Variants in SCGB3A2 observed in about 807,000 individuals in gnomAD.
SCGB3A2 encodes pneumo secretory protein 1.
SCGB3A2 carries 5 observed loss-of-function variants against 7.7 expected under a neutral mutation model. That is an observed-to-expected ratio of 0.65 (90% CI 0.34 to 1.36). The LOEUF is 1.36. SCGB3A2 is among the 40% of genes most tolerant of loss of function. The pLI is 0.04. For synonymous variants in SCGB3A2, 44 were observed against 42.7 expected, an observed-to-expected ratio of 1.03 and a Z score of -0.12; for missense variants, 109 against 103.6, an observed-to-expected ratio of 1.05 and a Z score of -0.23.
Position 147,881,656 on chromosome 5 carries a change from C to G in SCGB3A2, c.258+8C>G. On this transcript the variant is annotated splice_region_variant and intron_variant, in intron 2 of 2. Transcript: ENST00000296694. ...GCTGTGAAGAAACTGCTGGTAACCA[C>G]AGCTTGGGAGGCTAATCTGCCAAAG... The G allele has an allele frequency of 6.2e-7, 1 of 1,611,444 alleles. No individual in the cohort carries two copies. Among genetic ancestry groups the G allele is most frequent in the Non-Finnish European group, 8.5e-7 (1 of 1,178,482 alleles).
intron 1 of SCGB3A2, among the ~76,000 whole-genome samples, chr5:147,879,995 T>A (rs1172076572): frequency 6.6e-6 from 1 of 152,054 alleles, no homozygotes; most frequent in Non-Finnish European, 1.5e-5. Context: ...TACCGCCCCC[T>A]CTGGGTGAGA....
chr5:147,878,736 C>T lies in SCGB3A2; in HGVS notation c.-68C>T, dbSNP rs543232043. ...ACACTTTGTATGGCAAGTGGAACCA[C>T]TGGCTTGGTGGATTTTGCTAGATTT... is the stretch of plus-strand genomic sequence containing the variant. On this transcript the variant is annotated 5_prime_UTR_variant, in exon 1 of 3. Coordinates refer to ENST00000296694, the MANE Select transcript of SCGB3A2 (RefSeq NM_054023.5). 8.0e-7 allele frequency: 1 copy of T among 1,251,664 alleles called. No homozygotes were observed. Among genetic ancestry groups the T allele is most frequent in the Non-Finnish European group, 1.2e-6 (1 of 849,806 alleles). The allele number at this position is 1,251,664 out of a possible 1,614,324, so 77.5% of individuals were successfully genotyped here.
At chr5:147,880,513 T>G (rs1014339644) in intron 1 of SCGB3A2, among the ~76,000 whole-genome samples, 2 of 152,182 alleles carry the variant, frequency 1.3e-5, no homozygotes, top group African/African-American at 4.8e-5. Flanking sequence ...TGCACTTTTA[T>G]CCTAATGGTT....
In SCGB3A2 at chr5:147,878,743, G is replaced by C; in HGVS notation, c.-61G>C. On this transcript the variant is annotated 5_prime_UTR_variant, in exon 1 of 3. Coordinates refer to ENST00000296694, the MANE Select transcript of SCGB3A2 (RefSeq NM_054023.5). ...GTATGGCAAGTGGAACCACTGGCTT[G>C]GTGGATTTTGCTAGATTTTTCTGAT... 2.3e-6 allele frequency: 3 copies of C among 1,316,770 alleles called. No individual in the cohort carries two copies. Among genetic ancestry groups the C allele is most frequent in the South Asian group, 2.4e-5 (2 of 84,932 alleles). 81.6% of individuals were successfully genotyped at this position (1,316,770 alleles called of 1,614,324 possible). A position where few individuals can be genotyped will look rare whatever the true frequency, so the allele number is the denominator to read the frequency against.
intron 1 of SCGB3A2, among the ~76,000 whole-genome samples, chr5:147,879,154 G>T (rs1757307520): frequency 1.3e-5 from 2 of 152,126 alleles, no homozygotes; most frequent in South Asian, 2.1e-4. Context: ...AACTTCCACG[G>T]AGGGTCAACA....
chr5:147,882,025 A>G lies in SCGB3A2; in HGVS notation c.259-2A>G, dbSNP rs913735704. On this transcript the variant is annotated splice_acceptor_variant, in intron 2 of 2. Coordinates refer to ENST00000296694, the MANE Select transcript of SCGB3A2 (RefSeq NM_054023.5). LOFTEE classifies it high-confidence loss of function. ...AAATTTTGTTGTCCTTCTACATTTCAGGAGGCGCTATCACACTTGGTGTGA... is the reference window on the plus strand; with the variant it reads ...AAATTTTGTTGTCCTTCTACATTTCGGGAGGCGCTATCACACTTGGTGTGA... 6.2e-7 allele frequency: 1 copy of G among 1,613,782 alleles called. No individual in the cohort carries two copies. The highest frequency in any genetic ancestry group is 8.5e-7 in the Non-Finnish European group (1 of 1,179,780).
intron 1 of SCGB3A2, chr5:147,881,222 A>T: frequency 1.9e-6 from 1 of 536,836 alleles, no homozygotes; most frequent in Non-Finnish European, 3.3e-6. Context: ...GTAATATTTG[A>T]AGAGAGACCA....
intron 2 of SCGB3A2, 90 bp from the exon 3 acceptor site, chr5:147,881,937 G>A (rs1757355276): frequency 1.4e-6 from 2 of 1,401,430 alleles, no homozygotes; most frequent in East Asian, 2.3e-5. Context: ...GTAAAATAGT[G>A]GCCAAACAGG....
chr5:147,878,868 T>C lies in SCGB3A2; in HGVS notation c.55+10T>C, dbSNP rs1234857948. ...CTTTGTAGTTACTCTGGTAAGTAAC[T>C]GGAATACATCTGGAATATGTGACAT... On this transcript the variant is annotated intron_variant, in intron 1 of 2. Transcript: ENST00000296694. The C allele has an allele frequency of 6.3e-7, 1 of 1,589,408 alleles. No homozygotes were observed.
chr5:147,879,295 A>G (rs183556265), intron 1 of SCGB3A2, among the ~76,000 whole-genome samples: 1 of 152,266 alleles, frequency 6.6e-6, no homozygotes, highest in African/African-American at 2.4e-5. Flanking sequence ...TATCATCTCC[A>G]GTTATCCAAT....
At position 147,878,844 on chromosome 5, in the gene SCGB3A2, T is replaced by G; in HGVS notation, c.41T>G (p.Leu14Arg). The G allele has an allele frequency of 1.9e-6, 3 of 1,610,582 alleles. No individual in the cohort carries two copies. Among genetic ancestry groups the G allele is most frequent in the Non-Finnish European group, 1.7e-6 (2 of 1,176,820 alleles). ...VTIFLLVTIS[L>R]CSYSATAFLI... ...ATCTTCCTGCTGGTGACCATCAGCC[T>G]TTGTAGTTACTCTGGTAAGTAACTG... The change falls in exon 1 of 3, where the codon CTT (leucine) becomes CGT (arginine). Residue 14 changes from leucine (L) to arginine (R), a missense_variant. By Grantham distance (102) the Leu-to-Arg change is moderately radical. Coordinates refer to ENST00000296694, the MANE Select transcript of SCGB3A2 (RefSeq NM_054023.5).
Position 147,881,452 on chromosome 5 carries a change from C to G in SCGB3A2, c.62C>G (p.Ala21Gly). ...TISLCSYSAT[A>G]FLINKVPLPV... The stretch of plus-strand genomic sequence containing the variant: ...GTTTCTCTTTTTCCTGCAGCTACTG[C>G]CTTCCTCATCAACAAAGTGCCCCTT... The change falls in exon 2 of 3, where the codon GCC becomes GGC. Residue 21 changes from alanine (A) to glycine (G), a missense_variant. Coordinates refer to ENST00000296694, the MANE Select transcript of SCGB3A2 (RefSeq NM_054023.5). 6.2e-7 allele frequency: 1 copy of G among 1,613,794 alleles called. No individual in the cohort carries two copies. Among genetic ancestry groups the G allele is most frequent in the Non-Finnish European group, 8.5e-7 (1 of 1,179,766 alleles).
chr5:147,881,527 T>C lies in SCGB3A2; in HGVS notation c.137T>C (p.Met46Thr). ...CCTCTGGACAACATTCTTCCCTTTATGGATCCATTAAAGCTTCTTCTGAAA... is the reference window on the plus strand; with the variant it reads ...CCTCTGGACAACATTCTTCCCTTTACGGATCCATTAAAGCTTCTTCTGAAA... The part of the protein sequence containing the change: ...PLPLDNILPF[M>T]DPLKLLLKTL... Residue 46 changes from methionine to threonine, a missense_variant, in exon 2 of 3, where the codon ATG (methionine) becomes ACG (threonine). Transcript: ENST00000296694. The C allele has an allele frequency of 6.2e-7, 1 of 1,614,080 alleles. No homozygotes were observed. The highest frequency in any genetic ancestry group is 1.3e-5 in the African/African-American group (1 of 75,050).
intron 2 of SCGB3A2, 88 bp downstream of exon 2, chr5:147,881,736 G>T: frequency 9.8e-7 from 1 of 1,020,788 alleles, no homozygotes; most frequent in Non-Finnish European, 1.4e-6. Flanking sequence ...TTGTAAATGT[G>T]CATTTCCACT....
intron 1 of SCGB3A2, among the ~76,000 whole-genome samples, chr5:147,879,954 G>T (rs746219829): frequency 3.3e-5 from 5 of 152,180 alleles, no homozygotes; most frequent in Non-Finnish European, 5.9e-5. Context: ...TATGGGCAAA[G>T]TGGCAGCAGA....
intron 1 of SCGB3A2, among the ~76,000 whole-genome samples, chr5:147,879,833 A>T (rs563252129): frequency 6.6e-6 from 1 of 152,204 alleles, no homozygotes; most frequent in Non-Finnish European, 1.5e-5. Context: ...ATTGCCGCCC[A>T]CACCTACAAT....
intron 1 of SCGB3A2, among the ~76,000 whole-genome samples, chr5:147,879,221 T>G (rs1266375596): frequency 1.3e-5 from 2 of 152,184 alleles, no homozygotes; most frequent in African/African-American, 2.4e-5. Flanking sequence ...TTTCCTCAAT[T>G]TTGAGTTAAA....
In SCGB3A2 at chr5:147,881,465, CAA is replaced by C. The variant is rs1381888464; in HGVS notation, c.77_78del (p.Lys26SerfsTer6). On this transcript the variant is annotated frameshift_variant, in exon 2 of 3. Coordinates refer to ENST00000296694, the MANE Select transcript of SCGB3A2 (RefSeq NM_054023.5). LOFTEE classifies it high-confidence loss of function. ...SYSATAFLIN[K>X]VPLPVDKLAP... ...CTGCAGCTACTGCCTTCCTCATCAA[CAA>C]AGTGCCCCTTCCTGTTGACAAGTTG... 2 of 1,613,992 alleles carry C rather than the reference CAA, an allele frequency of 1.2e-6. No homozygotes were observed. The highest frequency in any genetic ancestry group is 2.2e-5 in the South Asian group (2 of 91,070).
chr5:147,881,836 A>G (rs1757353396), intron 2 of SCGB3A2, among the ~76,000 whole-genome samples, 188 bp downstream of exon 2: 1 of 152,262 alleles, frequency 6.6e-6, no homozygotes, highest in South Asian at 2.1e-4. Flanking sequence ...TTTGAATGAT[A>G]GTGACATGTG....
Sources: allele counts gnomAD v4.1 joint callset (sites outside exome capture counted in the v4.1 genomes callset), GRCh38; gene constraint gnomAD v4.1.1; transcripts MANE v1.5; gene names NCBI Gene and HGNC (gene_info 2026-07-23, HGNC 2026-07-21).